The following KDM4C variants were observed in gnomAD, a reference collection of about 807,000 sequenced individuals.
KDM4C encodes lysine demethylase 4C, also known as lysine-specific demethylase 4C.
Under a neutral mutation model 129.3 loss-of-function variants are expected in KDM4C, and 81 were observed. The observed-to-expected ratio is 0.63, with a 90% CI of 0.52 to 0.75. The LOEUF (loss-of-function observed/expected upper bound fraction) is 0.75, where lower values mean the gene tolerates loss of function less well. Ranked by LOEUF, KDM4C falls within the 30% of genes least tolerant of loss-of-function variation. The probability of loss-of-function intolerance (pLI) is 0.00; values close to 1 mark genes in which losing one functional copy is unlikely to be tolerated. For missense variants in KDM4C, 1,457 were observed against 1,304.0 expected, an observed-to-expected ratio of 1.12 and a Z score of -1.81; for synonymous variants, 573 against 456.1, an observed-to-expected ratio of 1.26 and a Z score of -3.26.
At chr9:6,843,320 G>T (rs1291038406) in intron 4 of KDM4C, among the ~76,000 whole-genome samples, 1 of 152,116 alleles carries the variant, frequency 6.6e-6, no homozygotes, top group Non-Finnish European at 1.5e-5. Flanking sequence ...AAAAAGCTGT[G>T]GTCTGAACCC....
At chr9:7,007,064 G>C (rs1401243171) in intron 12 of KDM4C, among the ~76,000 whole-genome samples, 1 of 152,186 alleles carries the variant, frequency 6.6e-6, no homozygotes, top group East Asian at 1.9e-4. Context: ...TTAGTATCTG[G>C]TTTCCCCATT....
intron 2 of KDM4C, among the ~76,000 whole-genome samples, chr9:6,797,470 C>G (rs1251847613): frequency 6.6e-6 from 1 of 151,798 alleles, no homozygotes; most frequent in East Asian, 1.9e-4. Flanking sequence ...GAAGGTTTGA[C>G]ACTTTGACTG....
In KDM4C at chr9:7,090,010, C is replaced by T. The variant is rs1835610182; in HGVS notation, c.2425-13675C>T. ...CTTCCCTGGGGAATCACTGCAGAAT[C>T]CCCCAAGCCTCCTCTTTGTACTTGA... On this transcript the variant is annotated intron_variant, in intron 17 of 21. Coordinates refer to ENST00000381309, the MANE Select transcript of KDM4C (RefSeq NM_015061.6). Among the ~76,000 whole-genome samples, 3 of 152,218 alleles carry T rather than the reference C, an allele frequency of 2.0e-5. No individual in the cohort carries two copies. In the South Asian group the frequency reaches 6.2e-4, roughly 32 times the overall value.
At chr9:6,913,993 G>A (rs898462848) in intron 8 of KDM4C, among the ~76,000 whole-genome samples, 2 of 152,284 alleles carry the variant, frequency 1.3e-5, no homozygotes, top group African/African-American at 4.8e-5. Flanking sequence ...TTTCAATTCT[G>A]TTCCATCATC....
chr9:6,933,858 A>ATT (rs199855068), intron 8 of KDM4C, among the ~76,000 whole-genome samples: 9 of 149,698 alleles, frequency 6.0e-5, no homozygotes, highest in South Asian at 4.2e-4. Flanking sequence ...TTATTTATTT[A>ATT]TTTTTTTTTG....
At chr9:6,744,783 G>A (rs1321952177) in intron 1 of KDM4C, among the ~76,000 whole-genome samples, 1 of 151,682 alleles carries the variant, frequency 6.6e-6, no homozygotes, top group Admixed American at 6.6e-5. Context: ...GTGCTCCAGG[G>A]TTGTGGGGAA....
intron 17 of KDM4C, among the ~76,000 whole-genome samples, chr9:7,087,327 T>C (rs1288107676): frequency 6.6e-6 from 1 of 152,086 alleles, no homozygotes; most frequent in Non-Finnish European, 1.5e-5. Flanking sequence ...AAACATGCCT[T>C]AACTCCAGCA....
intron 15 of KDM4C, among the ~76,000 whole-genome samples, chr9:7,031,177 T>TATGC (rs892713775): frequency 1.2e-4 from 18 of 150,058 alleles, no homozygotes; most frequent in South Asian, 2.1e-4. Context: ...TTTATGTATG[T>TATGC]TTTGAGATGG....
intron 4 of KDM4C, among the ~76,000 whole-genome samples, chr9:6,846,728 A>G (rs1348690920): frequency 3.3e-5 from 5 of 152,350 alleles, no homozygotes; most frequent in Admixed American, 1.3e-4. Context: ...AACACATTTT[A>G]TTAAATAATC....
At chr9:6,839,097 A>T (rs1836415098) in intron 4 of KDM4C, among the ~76,000 whole-genome samples, 1 of 152,200 alleles carries the variant, frequency 6.6e-6, no homozygotes, top group South Asian at 2.1e-4. Flanking sequence ...ACATTAGCCT[A>T]GCTTTAAGTT....
intron 8 of KDM4C, among the ~76,000 whole-genome samples, chr9:6,909,715 T>C (rs1298366851): frequency 2.6e-5 from 4 of 152,208 alleles, no homozygotes; most frequent in Non-Finnish European, 5.9e-5. Flanking sequence ...TTTTGAAGTC[T>C]TTAGTATTTT....
At chr9:6,858,012 C>T (rs1018440124) in intron 5 of KDM4C, among the ~76,000 whole-genome samples, 11 of 150,030 alleles carry the variant, frequency 7.3e-5, no homozygotes, top group Non-Finnish European at 1.3e-4. Context: ...AGTCTACCCA[C>T]GCAGTCAGTC....
At chr9:7,095,888 GT>G (rs1836373621) in intron 17 of KDM4C, among the ~76,000 whole-genome samples, 1 of 152,204 alleles carries the variant, frequency 6.6e-6, no homozygotes, top group Non-Finnish European at 1.5e-5. Flanking sequence ...AAGGATTTGT[GT>G]AAACAGTAAT....
intron 12 of KDM4C, among the ~76,000 whole-genome samples, chr9:6,994,799 G>T (rs147828606): frequency 6.6e-6 from 1 of 152,172 alleles, no homozygotes; most frequent in African/African-American, 2.4e-5. Context: ...ATATAAATGT[G>T]ATAAATTATA....
intron 12 of KDM4C, among the ~76,000 whole-genome samples, chr9:6,994,401 T>C (rs1219034718): frequency 1.3e-5 from 2 of 152,194 alleles, no homozygotes. Flanking sequence ...TTCAATCCCT[T>C]GTCACCACTC....
intron 1 of KDM4C, among the ~76,000 whole-genome samples, chr9:6,773,670 C>T (rs1649278736): frequency 6.6e-6 from 1 of 151,626 alleles, no homozygotes; most frequent in South Asian, 2.1e-4. Flanking sequence ...GCTCAGGTCG[C>T]TGAGGCAGGA....
intron 8 of KDM4C, among the ~76,000 whole-genome samples, chr9:6,937,160 A>C (rs976201131): frequency 6.6e-6 from 1 of 152,182 alleles, no homozygotes; most frequent in Non-Finnish European, 1.5e-5. Flanking sequence ...TATTTTTAAC[A>C]TAAGAACCTC....
At chr9:6,731,211 C>T (rs758216752) in intron 1 of KDM4C, among the ~76,000 whole-genome samples, 14 of 151,764 alleles carry the variant, frequency 9.2e-5, no homozygotes, top group Non-Finnish European at 2.1e-4. Context: ...ATACTGGGAA[C>T]GTCATGTTTA....
chr9:7,054,982 T>C (rs1421007127), intron 17 of KDM4C, among the ~76,000 whole-genome samples: 1 of 152,064 alleles, frequency 6.6e-6, no homozygotes, highest in East Asian at 1.9e-4. Context: ...ATTGAGACCA[T>C]CCTGGCCAAC....
Sources: gnomAD v4.1 joint callset for allele counts (sites outside exome capture counted in the v4.1 genomes callset) on GRCh38, gnomAD v4.1.1 for gene constraint, MANE v1.5 for transcripts, NCBI Gene and HGNC (gene_info 2026-07-23, HGNC 2026-07-21) for gene names.